Variants in NR2F2 observed in about 807,000 individuals in gnomAD.
The protein encoded by NR2F2 is COUP transcription factor 2.
Under a neutral mutation model 34.8 loss-of-function variants are expected in NR2F2, and 2 were observed. The ratio of observed to expected loss-of-function variants is 0.06; its 90% CI spans 0.02 to 0.18. The LOEUF (loss-of-function observed/expected upper bound fraction) is 0.18. Ranked by LOEUF, NR2F2 falls within the 10% of genes least tolerant of loss-of-function variation. The pLI is 1.00. For missense variants in NR2F2, 300 were observed against 580.1 expected (o/e 0.52, Z 4.96); for synonymous variants, 274 against 251.8 (o/e 1.09, Z -0.84).
In NR2F2 at chr15:96,331,263, G is replaced by T; in HGVS notation, c.-843G>T. The T allele has an allele frequency of 1.0e-6, 1 of 994,786 alleles. No homozygotes were observed. The highest frequency in any genetic ancestry group is 1.2e-6 in the Non-Finnish European group (1 of 837,782). The allele number at this position is 994,786 out of a possible 1,614,324, so 61.6% of individuals were successfully genotyped here. ...GCGGCGGCCGGAGAGAGCGAGGCGC[G>T]CGCCGGACGCCCGGGGCAGGCGGCG... On this transcript the variant is annotated 5_prime_UTR_variant, in exon 1 of 3. Coordinates refer to ENST00000394166, the MANE Select transcript of NR2F2 (RefSeq NM_021005.4).
In NR2F2 at chr15:96,331,128, G is replaced by C. The variant is rs867185287; in HGVS notation, c.-978G>C. 8.7e-7 allele frequency: 1 copy of C among 1,149,754 alleles called. No individual in the cohort carries two copies. The highest frequency in any genetic ancestry group is 1.1e-6 in the Non-Finnish European group (1 of 930,814). The allele number at this position is 1,149,754 out of a possible 1,614,324, so 71.2% of individuals were successfully genotyped here. ...TTCAGCGGCGGCGGCGGCGCTAGAC[G>C]CAGCGGCTCCGGGCCCGACCCGGCG... On this transcript the variant is annotated 5_prime_UTR_variant, in exon 1 of 3. Coordinates refer to ENST00000394166, the MANE Select transcript of NR2F2 (RefSeq NM_021005.4).
chr15:96,331,130 A>C lies in NR2F2; in HGVS notation c.-976A>C, dbSNP rs1899127350. The C allele has an allele frequency of 1.8e-5, 20 of 1,139,072 alleles. No homozygotes were observed. The highest frequency in any genetic ancestry group is 2.2e-5 in the Non-Finnish European group (20 of 923,882). 70.6% of individuals were successfully genotyped at this position (1,139,072 alleles called of 1,614,324 possible). On this transcript the variant is annotated 5_prime_UTR_variant, in exon 1 of 3. Transcript: ENST00000394166. ...CAGCGGCGGCGGCGGCGCTAGACGCAGCGGCTCCGGGCCCGACCCGGCGGC... is the reference window on the plus strand; with the variant it reads ...CAGCGGCGGCGGCGGCGCTAGACGCCGCGGCTCCGGGCCCGACCCGGCGGC...
chr15:96,333,756 G>A (rs1899230611), intron 1 of NR2F2: 2 of 1,338,596 alleles, frequency 1.5e-6, no homozygotes, highest in African/African-American at 1.5e-5. Context: ...AAAGAAGAAA[G>A]ATGCCCTCAG....
chr15:96,334,730 A>G (rs1899269569), intron 2 of NR2F2, 127 bp downstream of exon 2: 2 of 1,038,542 alleles, frequency 1.9e-6, no homozygotes, highest in East Asian at 5.2e-5. Context: ...AGTGCAACTT[A>G]AAGTGGGAAC....
In NR2F2 at chr15:96,338,681, T is replaced by C. The variant is rs1899407187; in HGVS notation, c.*1059T>C. On this transcript the variant is annotated 3_prime_UTR_variant, in exon 3 of 3. Transcript: ENST00000394166. ...GTTTGTGTTTTAAAAAAACTGAAGG[T>C]TTTTTTTTTAAGTGCAACATTTCTG... 1 of 148,900 alleles carries C rather than the reference T, an allele frequency of 6.7e-6. No homozygotes were observed. Among genetic ancestry groups the C allele is most frequent in the African/African-American group, 2.5e-5 (1 of 40,506 alleles). The allele number at this position is 148,900 out of a possible 1,614,324, so 9.2% of individuals were successfully genotyped here. A position where few individuals can be genotyped will look rare whatever the true frequency, so the allele number is the denominator to read the frequency against.
chr15:96,333,657 C>G, intron 1 of NR2F2: 1 of 1,085,688 alleles, frequency 9.2e-7, no homozygotes, highest in Non-Finnish European at 1.1e-6. Context: ...ACCCTCGTGC[C>G]TTTTGCAAAA....
upstream of NR2F2, among the ~76,000 whole-genome samples, chr15:96,328,962 A>G (rs1378336557): frequency 6.6e-6 from 1 of 152,210 alleles, no homozygotes; most frequent in Non-Finnish European, 1.5e-5. Context: ...GTGTGTAAAG[A>G]GAATTGAATG....
chr15:96,331,208 C>T lies in NR2F2; in HGVS notation c.-898C>T. 3 of 976,174 alleles carry T rather than the reference C, an allele frequency of 3.1e-6. No homozygotes were observed. The highest frequency in any genetic ancestry group is 3.6e-6 in the Non-Finnish European group (3 of 823,452). The allele number at this position is 976,174 out of a possible 1,614,324, so 60.5% of individuals were successfully genotyped here. On this transcript the variant is annotated 5_prime_UTR_variant, in exon 1 of 3. Coordinates refer to ENST00000394166, the MANE Select transcript of NR2F2 (RefSeq NM_021005.4). ...GGCCCGGGCGGCCCGCAGGGAACGG[C>T]GAGCGGCCTCCACCCAGCGACTGCG...
intron 2 of NR2F2, among the ~76,000 whole-genome samples, 193 bp from the exon 3 acceptor site, chr15:96,337,155 C>T (rs549733800): frequency 1.3e-5 from 2 of 151,876 alleles, no homozygotes; most frequent in Admixed American, 1.3e-4. Flanking sequence ...TCTTCCCCCA[C>T]CCCGCCTCCC....
Position 96,331,118 on chromosome 15 carries a change from G to A in NR2F2, c.-988G>A, listed in dbSNP as rs1899126935. The A allele has an allele frequency of 5.1e-6, 6 of 1,183,074 alleles. No individual in the cohort carries two copies. The highest frequency in any genetic ancestry group is 6.3e-6 in the Non-Finnish European group (6 of 954,862). The allele number at this position is 1,183,074 out of a possible 1,614,324, so 73.3% of individuals were successfully genotyped here. ...CAGCAGCGACTTCAGCGGCGGCGGCGGCGCTAGACGCAGCGGCTCCGGGCC... is the reference window on the plus strand; with the variant it reads ...CAGCAGCGACTTCAGCGGCGGCGGCAGCGCTAGACGCAGCGGCTCCGGGCC... On this transcript the variant is annotated 5_prime_UTR_variant, in exon 1 of 3. Transcript: ENST00000394166.
chr15:96,332,782 C>T (rs985998738), intron 1 of NR2F2, among the ~76,000 whole-genome samples: 4 of 152,076 alleles, frequency 2.6e-5, no homozygotes, highest in African/African-American at 9.7e-5. Context: ...ATTTCCTTTG[C>T]ATTGATTGTG....
Position 96,332,551 on chromosome 15 carries a change from T to C in NR2F2, c.442+4T>C, listed in dbSNP as rs1899176180. On this transcript the variant is annotated splice_donor_region_variant and intron_variant, in intron 1 of 2. Coordinates refer to ENST00000394166, the MANE Select transcript of NR2F2 (RefSeq NM_021005.4). ...AAAGTGGGCATGAGACGGGAAGGTA[T>C]CGGCCTCTCATTTCTCCTTCCCTCG... is the stretch of plus-strand genomic sequence containing the variant. 1 of 1,606,456 alleles carries C rather than the reference T, an allele frequency of 6.2e-7. No individual in the cohort carries two copies. Among genetic ancestry groups the C allele is most frequent in the Non-Finnish European group, 8.5e-7 (1 of 1,173,532 alleles).
rs1002226034 is a variant in NR2F2, at chr15:96,337,771, A to T, written c.*149A>T. On this transcript the variant is annotated 3_prime_UTR_variant, in exon 3 of 3. Transcript: ENST00000394166. ...AGGGGAAGAATTTAATGGACTGTGA[A>T]TTTCAAAAAAAAAAAAAAAGACTGT... 21 of 452,380 alleles carry T rather than the reference A, an allele frequency of 4.6e-5. No homozygotes were observed. In the African/African-American group the frequency reaches 5.7e-4, roughly 12 times the overall value. The allele number at this position is 452,380 out of a possible 1,614,324, so 28.0% of individuals were successfully genotyped here.
At position 96,338,658 on chromosome 15, in the gene NR2F2, TTG is replaced by T. The variant is rs1740158799; in HGVS notation, c.*1040_*1041del. The T allele has an allele frequency of 6.6e-6, 1 of 152,552 alleles. No homozygotes were observed. The highest frequency in any genetic ancestry group is 2.1e-4 in the South Asian group (1 of 4,824). 9.4% of individuals were successfully genotyped at this position (152,552 alleles called of 1,614,324 possible). A position where few individuals can be genotyped will look rare whatever the true frequency, so the allele number is the denominator to read the frequency against. ...GATTCAGTATCTTAGAGTTTACAGT[TTG>T]TGTTTTAAAAAAACTGAAGGTTTTT... On this transcript the variant is annotated 3_prime_UTR_variant, in exon 3 of 3. Coordinates refer to ENST00000394166, the MANE Select transcript of NR2F2 (RefSeq NM_021005.4).
chr15:96,336,093 A>T (rs1899316479), intron 2 of NR2F2, among the ~76,000 whole-genome samples: 1 of 152,104 alleles, frequency 6.6e-6, no homozygotes, highest in Non-Finnish European at 1.5e-5. Context: ...TGGACGATGG[A>T]GGTAGTCGTT....
At chr15:96,328,387 A>G (rs1899046180), upstream of NR2F2, among the ~76,000 whole-genome samples, 1 of 152,216 alleles carries the variant, frequency 6.6e-6, no homozygotes, top group African/African-American at 2.4e-5. Context: ...GTAATCTGCT[A>G]TGGAAGTCTC....
chr15:96,336,969 G>C (rs1180551431), intron 2 of NR2F2, among the ~76,000 whole-genome samples: 2 of 152,034 alleles, frequency 1.3e-5, no homozygotes, highest in Non-Finnish European at 2.9e-5. Context: ...GGAGGGGAGA[G>C]AGTGCTGGTA....
chr15:96,332,206 C>T lies in NR2F2; in HGVS notation c.101C>T (p.Pro34Leu), dbSNP rs758377621. Residue 34 changes from proline (P) to leucine (L), a missense_variant, in exon 1 of 3, where the codon CCC (proline) becomes CTC (leucine). Coordinates refer to ENST00000394166, the MANE Select transcript of NR2F2 (RefSeq NM_021005.4). ...SQAPPVPGPP[P>L]GAPHTPQTPG... is the part of the protein sequence containing the mutation. The stretch of plus-strand genomic sequence containing the variant: ...GCGCCGCCCGTGCCCGGCCCGCCGC[C>T]CGGCGCCCCGCACACGCCACAGACG... The T allele has an allele frequency of 2.1e-5, 28 of 1,354,352 alleles. No individual in the cohort carries two copies. In the South Asian group the frequency reaches 4.8e-4, roughly 23 times the overall value. The allele number at this position is 1,354,352 out of a possible 1,614,324, so 83.9% of individuals were successfully genotyped here.
rs539024196 is a variant in NR2F2 at position 96,333,653 on chromosome 15, G to A, written c.443-423G>A. ...CACAGGCCGTCTGGGGTGGACCCTC[G>A]TGCCTTTTGCAAAAGCGCCTCACCC... is the stretch of plus-strand genomic sequence containing the variant. On this transcript the variant is annotated intron_variant, in intron 1 of 2. Coordinates refer to ENST00000394166, the MANE Select transcript of NR2F2 (RefSeq NM_021005.4). 1.4e-3 allele frequency: 1,473 copies of A among 1,078,192 alleles called. 1 individual carries two copies. The highest frequency in any genetic ancestry group is 1.5e-3 in the Non-Finnish European group (1,365 of 888,122). 66.8% of individuals were successfully genotyped at this position (1,078,192 alleles called of 1,614,324 possible). A position where few individuals can be genotyped will look rare whatever the true frequency, so the allele number is the denominator to read the frequency against.
Sources: allele counts gnomAD v4.1 joint callset (sites outside exome capture counted in the v4.1 genomes callset), GRCh38; gene constraint gnomAD v4.1.1; transcripts MANE v1.5; gene names NCBI Gene and HGNC (gene_info 2026-07-23, HGNC 2026-07-21).